Variants in CEP95 observed in about 807,000 individuals in gnomAD.
CEP95 encodes centrosomal protein of 95 kDa.
A neutral mutation model predicts 111.2 loss-of-function variants in CEP95; 98 were observed. That is an observed-to-expected ratio of 0.88 (90% CI 0.75 to 1.04). The LOEUF is 1.04. CEP95 is among the 50% of genes least tolerant of loss of function. The pLI, the probability that CEP95 is intolerant of heterozygous loss-of-function variation, is 0.00. For missense variants in CEP95, 1,027 were observed against 977.2 expected, an observed-to-expected ratio of 1.05 and a Z score of -0.68; for synonymous variants, 323 against 327.1, an observed-to-expected ratio of 0.99 and a Z score of 0.14.
In CEP95 at chr17:64,516,832, G is replaced by A. The variant is rs1966893140; in HGVS notation, c.473+4G>A. 2.0e-6 allele frequency: 3 copies of A among 1,507,728 alleles called. No homozygotes were observed. Among genetic ancestry groups the A allele is most frequent in the Middle Eastern group, 1.7e-4 (1 of 5,880 alleles). 93.4% of individuals were successfully genotyped at this position (1,507,728 alleles called of 1,614,324 possible). On this transcript the variant is annotated splice_donor_region_variant and intron_variant, in intron 5 of 19. Transcript: ENST00000556440. ...GGAAAAGAGTTTCTTTTGGGAGGTA[G>A]CACTTAGTGTCTCTGAATTTGATGA... is the stretch of plus-strand genomic sequence containing the variant.
chr17:64,507,816 T>A (rs1014767250), intron 1 of CEP95: 1 of 985,422 alleles, frequency 1.0e-6, no homozygotes, highest in Non-Finnish European at 1.2e-6. Flanking sequence ...TTGTTTCTAA[T>A]ACCGATTGAA....
chr17:64,514,204 A>C (rs2039029121), intron 3 of CEP95, 44 bp from the exon 4 acceptor site: 1 of 766,968 alleles, frequency 1.3e-6, no homozygotes, highest in African/African-American at 1.8e-5. Context: ...AAGCTTTCAG[A>C]TTTCATGGTT....
At chr17:64,511,350 A>G (rs1425133602) in intron 3 of CEP95, among the ~76,000 whole-genome samples, 3 of 152,190 alleles carry the variant, frequency 2.0e-5, no homozygotes, top group Non-Finnish European at 4.4e-5. Flanking sequence ...TACAGACCAT[A>G]AAAGATGGCC....
chr17:64,537,822 AC>A lies in CEP95; in HGVS notation c.*45del. 7.6e-7 allele frequency: 1 copy of A among 1,313,336 alleles called. No homozygotes were observed. The highest frequency in any genetic ancestry group is 1.0e-6 in the Non-Finnish European group (1 of 969,054). The allele number at this position is 1,313,336 out of a possible 1,614,324, so 81.4% of individuals were successfully genotyped here. A position where few individuals can be genotyped will look rare whatever the true frequency, so the allele number is the denominator to read the frequency against. On this transcript the variant is annotated 3_prime_UTR_variant, in exon 20 of 20. Coordinates refer to ENST00000556440, the MANE Select transcript of CEP95 (RefSeq NM_138363.3). ...GTAGGTGAAGGTTCTGGAGGCCTTTACCAGGACAGAGCTAGAATCGAGCCAG... is the reference window on the plus strand; with the variant it reads ...GTAGGTGAAGGTTCTGGAGGCCTTTACAGGACAGAGCTAGAATCGAGCCAG...
At chr17:64,507,183 C>G (rs1229312494) in intron 1 of CEP95, 67 bp downstream of exon 1, 10 of 1,549,880 alleles carry the variant, frequency 6.5e-6, no homozygotes, top group African/African-American at 1.4e-5. Context: ...AGGCCTCGGG[C>G]TAGCCCGGAC....
chr17:64,537,272 CACA>C lies in CEP95; in HGVS notation c.2289+168_2289+170del, dbSNP rs1417384671. On this transcript the variant is annotated intron_variant, in intron 19 of 19. Transcript: ENST00000556440. The stretch of plus-strand genomic sequence containing the variant: ...TTTGTGTAAGTACACTGACATTTTG[CACA>C]ACAACAAAATCATTTAATGATGCAT... 3.1e-5 allele frequency: 44 copies of C among 1,397,810 alleles called. No homozygotes were observed. The Admixed American group carries it at 3.8e-4, about 12-fold the overall frequency. The allele number at this position is 1,397,810 out of a possible 1,614,324, so 86.6% of individuals were successfully genotyped here.
chr17:64,526,015 A>C, intron 9 of CEP95, 56 bp from the exon 10 acceptor site: 1 of 1,571,870 alleles, frequency 6.4e-7, no homozygotes, highest in Non-Finnish European at 8.6e-7. Flanking sequence ...CAGTTATTTT[A>C]AACTAAATAA....
Position 64,534,727 on chromosome 17 carries a change from G to A in CEP95, c.2060G>A (p.Arg687Gln), listed in dbSNP as rs782594800. 6.2e-6 allele frequency: 10 copies of A among 1,610,938 alleles called. No homozygotes were observed. In the South Asian group the frequency reaches 6.6e-5, roughly 11 times the overall value. The change falls in exon 17 of 20, where the codon CGG (arginine) becomes CAG (glutamine). Residue 687 changes from arginine (R) to glutamine (Q), a missense_variant. Coordinates refer to ENST00000556440, the MANE Select transcript of CEP95 (RefSeq NM_138363.3). ...GCAAAAATGATGAGAATGAGGACCC[G>A]GGAAGAAATGGTAAGTCTGACTTTT... Reference protein sequence around the residue: ...LCAKMMRMRTREEMIFKKLFE... With the variant: ...LCAKMMRMRTQEEMIFKKLFE...
intron 3 of CEP95, among the ~76,000 whole-genome samples, chr17:64,510,876 C>T (rs1322635650): frequency 6.6e-5 from 10 of 152,136 alleles, no homozygotes; most frequent in Non-Finnish European, 8.8e-5. Flanking sequence ...CCGATAGTCA[C>T]GTAGGTTCTT....
intron 17 of CEP95, chr17:64,535,514 T>A (rs1968589181): frequency 1.3e-5 from 2 of 152,358 alleles, no homozygotes; most frequent in South Asian, 4.1e-4. Context: ...ACTGCTTTTC[T>A]GAAGGTTGTA....
rs782531825 is a variant in CEP95 at position 64,532,946 on chromosome 17, G to T, written c.1780G>T (p.Val594Phe). Reference sequence around the variant, plus strand: ...AATGTGGAAACAGCAAATTGCACAGGTTGAACAGCTTAAGAAAGAAGCATG... The same window carrying T: ...AATGTGGAAACAGCAAATTGCACAGTTTGAACAGCTTAAGAAAGAAGCATG... ...SKMWKQQIAQ[V>F]EQLKKEACRE... Residue 594 changes from valine to phenylalanine, a missense_variant, in exon 15 of 20, where the codon GTT (valine) becomes TTT (phenylalanine). Val to Phe is a conservative substitution (Grantham distance 50). Transcript: ENST00000556440. The T allele has an allele frequency of 6.8e-6, 11 of 1,613,790 alleles. No homozygotes were observed. The African/African-American group carries it at 1.5e-4, about 22-fold the overall frequency.
At chr17:64,523,535 C>T (rs1967540489) in intron 8 of CEP95, among the ~76,000 whole-genome samples, 1 of 151,930 alleles carries the variant, frequency 6.6e-6, no homozygotes, top group Admixed American at 6.6e-5. Context: ...CCACTGCGCT[C>T]CAGCCTGGGT....
chr17:64,532,154 C>G, intron 14 of CEP95, 132 bp downstream of exon 14: 3 of 1,367,804 alleles, frequency 2.2e-6, no homozygotes, highest in Non-Finnish European at 1.9e-6. Context: ...TTCCCAATCA[C>G]TGCCATGTGG....
At chr17:64,509,146 A>T (rs1391830993) in intron 2 of CEP95, among the ~76,000 whole-genome samples, 2 of 152,132 alleles carry the variant, frequency 1.3e-5, no homozygotes, top group Middle Eastern at 3.2e-3. Flanking sequence ...AGTGCTAGGG[A>T]TAAGAATTGA....
chr17:64,521,316 G>A (rs2144431588), intron 6 of CEP95, 86 bp from the exon 7 acceptor site: 2 of 871,682 alleles, frequency 2.3e-6, no homozygotes, highest in East Asian at 5.2e-5. Context: ...TTTGTTTCCT[G>A]AGTACAAAAC....
At chr17:64,509,191 G>A (rs1467026247) in intron 2 of CEP95, among the ~76,000 whole-genome samples, 4 of 152,178 alleles carry the variant, frequency 2.6e-5, no homozygotes, top group African/African-American at 9.7e-5. Context: ...TACCAAGACA[G>A]TTAATAAGCG....
At chr17:64,521,109 T>C (rs1399040296) in intron 6 of CEP95, among the ~76,000 whole-genome samples, 1 of 151,946 alleles carries the variant, frequency 6.6e-6, no homozygotes, top group Non-Finnish European at 1.5e-5. Flanking sequence ...TGGTGGCGGG[T>C]GCCTGTAGTC....
chr17:64,507,961 G>A (rs1172624263), intron 1 of CEP95: 1 of 985,344 alleles, frequency 1.0e-6, no homozygotes, highest in Non-Finnish European at 1.2e-6. Context: ...CGCAGGAAAC[G>A]TCAACAGTAT....
At position 64,510,399 on chromosome 17, in the gene CEP95, T is replaced by C. The variant is rs1304946779; in HGVS notation, c.256+119T>C. 19 of 670,328 alleles carry C rather than the reference T, an allele frequency of 2.8e-5. No homozygotes were observed. The Admixed American group carries it at 4.4e-4, about 16-fold the overall frequency. The allele number at this position is 670,328 out of a possible 1,614,324, so 41.5% of individuals were successfully genotyped here. A position where few individuals can be genotyped will look rare whatever the true frequency, so the allele number is the denominator to read the frequency against. On this transcript the variant is annotated intron_variant, in intron 3 of 19. Transcript: ENST00000556440. ...TTATGGAGTAGACCAAATTGTAAGA[T>C]TGAGCTAAGACAATCAACTGATAGA...
Sources: allele counts gnomAD v4.1 joint callset (sites outside exome capture counted in the v4.1 genomes callset), GRCh38; gene constraint gnomAD v4.1.1; transcripts MANE v1.5; gene names NCBI Gene and HGNC (gene_info 2026-07-23, HGNC 2026-07-21).